RAB38: variants seen among roughly 807,000 people sequenced by gnomAD.
RAB38 encodes RAB38, member RAS oncogene family.
In RAB38, 15 loss-of-function variants were observed where a neutral mutation model predicts 18.4. The observed-to-expected ratio is 0.82, with a 90% CI of 0.55 to 1.26. RAB38 has a LOEUF of 1.26. Among genes scored for constraint, RAB38 ranks in the 50% most tolerant of loss-of-function variants. The probability of loss-of-function intolerance (pLI) is 0.00; values close to 1 mark genes in which losing one functional copy is unlikely to be tolerated. For synonymous variants in RAB38, 101 were observed against 104.4 expected, an observed-to-expected ratio of 0.97 and a Z score of 0.20; for missense variants, 294 against 267.4, an observed-to-expected ratio of 1.10 and a Z score of -0.69.
chr11:88,065,001 C>T, the RAB38 span, among the ~76,000 whole-genome samples: 3 of 152,118 alleles, frequency 2.0e-5, no homozygotes, highest in Non-Finnish European at 2.9e-5. Context: ...TGGCCTTATG[C>T]TATGTCTTTT....
the RAB38 span, among the ~76,000 whole-genome samples, chr11:87,875,992 T>C: frequency 6.6e-6 from 1 of 151,646 alleles, no homozygotes; most frequent in African/African-American, 2.4e-5. Flanking sequence ...TTCAATACAC[T>C]GTTGAATAGT....
At chr11:87,837,304 A>G in the RAB38 span, among the ~76,000 whole-genome samples, 2 of 152,154 alleles carry the variant, frequency 1.3e-5, no homozygotes, top group African/African-American at 4.8e-5. Context: ...TGTGAGCTCC[A>G]TGAGGGTACA....
chr11:87,861,440 G>A, the RAB38 span, among the ~76,000 whole-genome samples: 1 of 151,836 alleles, frequency 6.6e-6, no homozygotes, highest in African/African-American at 2.4e-5. Flanking sequence ...AGCTTTACCA[G>A]CACAATCCTG....
chr11:88,081,099 A>G, the RAB38 span, among the ~76,000 whole-genome samples: 1 of 151,794 alleles, frequency 6.6e-6, no homozygotes, highest in Non-Finnish European at 1.5e-5. Context: ...CACATTAACT[A>G]CAATGGCTAA....
the RAB38 span, among the ~76,000 whole-genome samples, chr11:88,097,337 A>G: frequency 6.6e-6 from 1 of 151,902 alleles, no homozygotes; most frequent in East Asian, 1.9e-4. Context: ...GAGGAAACAA[A>G]GCACTCCATC....
the RAB38 span, among the ~76,000 whole-genome samples, chr11:87,903,255 C>T: frequency 6.6e-6 from 1 of 151,312 alleles, no homozygotes; most frequent in Admixed American, 6.6e-5. Context: ...ACTTTCTACT[C>T]CTATTGTTCT....
chr11:87,865,114 G>C, the RAB38 span, among the ~76,000 whole-genome samples: 2 of 151,696 alleles, frequency 1.3e-5, no homozygotes, highest in Non-Finnish European at 3.0e-5. Flanking sequence ...AACAGGGAAG[G>C]ATGGAGGAAA....
the RAB38 span, among the ~76,000 whole-genome samples, chr11:87,945,390 T>A: frequency 6.6e-6 from 1 of 152,130 alleles, no homozygotes; most frequent in Non-Finnish European, 1.5e-5. Flanking sequence ...GAAAAAGGGA[T>A]TGAGACTTAA....
chr11:87,813,808 G>A, the RAB38 span, among the ~76,000 whole-genome samples: 1 of 152,076 alleles, frequency 6.6e-6, no homozygotes, highest in Non-Finnish European at 1.5e-5. Context: ...TGACGGTGGT[G>A]GCTGGCACAA....
chr11:88,006,223 A>G, the RAB38 span, among the ~76,000 whole-genome samples: 2 of 151,662 alleles, frequency 1.3e-5, no homozygotes, highest in African/African-American at 2.4e-5. Context: ...CAAAACTACA[A>G]TATCACCTGA....
intron 1 of RAB38, among the ~76,000 whole-genome samples, chr11:88,150,575 A>C (rs767663126): frequency 1.3e-5 from 2 of 152,218 alleles, no homozygotes; most frequent in Non-Finnish European, 2.9e-5. Flanking sequence ...AAAGGTTATA[A>C]TACTAGCTAC....
the RAB38 span, among the ~76,000 whole-genome samples, chr11:88,089,140 A>G: frequency 6.6e-6 from 1 of 151,950 alleles, no homozygotes; most frequent in African/African-American, 2.4e-5. Flanking sequence ...TTCTCATGTC[A>G]GGGGCAGATT....
At chr11:88,032,879 A>G in the RAB38 span, among the ~76,000 whole-genome samples, 2 of 152,256 alleles carry the variant, frequency 1.3e-5, no homozygotes, top group African/African-American at 2.4e-5. Context: ...ATTACTGGGT[A>G]TATACCCAAA....
chr11:88,004,706 C>T, the RAB38 span, among the ~76,000 whole-genome samples: 8,199 of 151,240 alleles, frequency 0.054, 503 homozygotes, highest in East Asian at 0.33. Flanking sequence ...TCTTTATTTA[C>T]ATATGACATG....
chr11:88,016,298 C>G, the RAB38 span, among the ~76,000 whole-genome samples: 1 of 152,094 alleles, frequency 6.6e-6, no homozygotes, highest in African/African-American at 2.4e-5. Context: ...GTTGTCTCAC[C>G]TGGTAACAGT....
Position 88,175,229 on chromosome 11 carries a change from G to A in RAB38, c.156C>T (p.His52=). ...GGCGCACCACAGTCTCCGGGTCCCA[G>A]TGGAGCACCTTGAGCGCGAAGTCCA... ...IGVDFALKVL[H]WDPETVVRLQ... is the part of the protein sequence containing the mutation. The change falls in exon 1 of 3, where the codon CAC becomes CAT. Residue 52 remains histidine (H), a synonymous_variant. Coordinates refer to ENST00000243662, the MANE Select transcript of RAB38 (RefSeq NM_022337.3). 6.2e-7 allele frequency: 1 copy of A among 1,613,990 alleles called. No homozygotes were observed. The highest frequency in any genetic ancestry group is 8.5e-7 in the Non-Finnish European group (1 of 1,179,960).
downstream of RAB38, among the ~76,000 whole-genome samples, chr11:88,110,096 T>A (rs1466237310): frequency 1.3e-5 from 2 of 152,084 alleles, no homozygotes; most frequent in African/African-American, 4.8e-5. Flanking sequence ...CTATTCCCAA[T>A]AGCAAAGACT....
chr11:87,882,904 T>C, the RAB38 span, among the ~76,000 whole-genome samples: 1 of 151,900 alleles, frequency 6.6e-6, no homozygotes, highest in Non-Finnish European at 1.5e-5. Flanking sequence ...GAGATTAAAA[T>C]AGAATGTACC....
At chr11:87,845,955 TAAAG>T in the RAB38 span, among the ~76,000 whole-genome samples, 1 of 152,036 alleles carries the variant, frequency 6.6e-6, no homozygotes, top group Admixed American at 6.6e-5. Context: ...GAAGGTGAGA[TAAAG>T]AAATTTTGAC....
Sources: allele counts gnomAD v4.1 joint callset (sites outside exome capture counted in the v4.1 genomes callset), GRCh38; gene constraint gnomAD v4.1.1; transcripts MANE v1.5; gene names NCBI Gene and HGNC (gene_info 2026-07-23, HGNC 2026-07-21).